Variants in SH3TC1 observed in about 807,000 individuals in gnomAD.
SH3TC1 encodes SH3 domain and tetratricopeptide repeat-containing protein 1.
Under a neutral mutation model 117.3 loss-of-function variants are expected in SH3TC1, and 135 were observed. The ratio of observed to expected loss-of-function variants is 1.15; its 90% CI spans 1.00 to 1.33. The LOEUF is 1.33. Ranked by LOEUF, SH3TC1 falls within the 40% of genes most tolerant of loss-of-function variation. The pLI, the probability that SH3TC1 is intolerant of heterozygous loss-of-function variation, is 0.00. For synonymous variants in SH3TC1, 898 were observed against 816.9 expected (o/e 1.10, Z -1.69); for missense variants, 2,092 against 1,794.3 (o/e 1.17, Z -3.00).
chr4:8,228,216 G>A lies in SH3TC1; in HGVS notation c.2522G>A (p.Ser841Asn). The A allele has an allele frequency of 6.2e-7, 1 of 1,608,880 alleles. No homozygotes were observed. The highest frequency in any genetic ancestry group is 8.5e-7 in the Non-Finnish European group (1 of 1,177,230). The change falls in exon 12 of 18, where the codon AGC becomes AAC. Residue 841 changes from serine to asparagine, a missense_variant. By Grantham distance (46) the Ser-to-Asn change is conservative. Coordinates refer to ENST00000245105, the MANE Select transcript of SH3TC1 (RefSeq NM_018986.5). ...TGGCTGCACGTGCTTCATGGGCAGA[G>A]CCCGGTGGCCCTGGACATCCTGCAG... ...LAWLHVLHGQ[S>N]PVALDILQSV...
chr4:8,206,832 CGTGTGTGTGTGTGTGTGT>C lies in SH3TC1; in HGVS notation c.172+1486_172+1503del, dbSNP rs58753240. Among the ~76,000 whole-genome samples the C allele has an allele frequency of 6.9e-6, 1 of 144,672 alleles. No homozygotes were observed. Among genetic ancestry groups the C allele is most frequent in the African/African-American group, 2.6e-5 (1 of 39,192 alleles). 94.9% of individuals were successfully genotyped at this position (144,672 alleles called of 152,430 possible). A position where few individuals can be genotyped will look rare whatever the true frequency, so the allele number is the denominator to read the frequency against. On this transcript the variant is annotated intron_variant, in intron 2 of 17. Coordinates refer to ENST00000245105, the MANE Select transcript of SH3TC1 (RefSeq NM_018986.5). This position sits in a 1 kb window ranked among gnomAD's most constrained non-coding sequence, Gnocchi z 5.5. Reference sequence around the variant, plus strand: ...AGGACTTTTACTTTGTGTGTGTACTCGTGTGTGTGTGTGTGTGTGTGTGTGTGTGTGTGTGTGATTTTC... The same window carrying C: ...AGGACTTTTACTTTGTGTGTGTACTCGTGTGTGTGTGTGTGTGTGATTTTC...
chr4:8,239,526 GCACA>G (rs934502024), intron 17 of SH3TC1, among the ~76,000 whole-genome samples: 3 of 147,910 alleles, frequency 2.0e-5, no homozygotes, highest in East Asian at 2.0e-4. Context: ...ATGCACACAG[GCACA>G]CACACAGACA....
rs771785209 is a variant in SH3TC1, at chr4:8,233,505, T to C, written c.3274T>C (p.Tyr1092His). ...ILRQSELVDL[Y>H]IQVAQNVALY... ...GCGGCAGAGCGAGCTGGTGGACCTCTACATCCAGGTGAGTGATGAGGGATG... is the reference window on the plus strand; with the variant it reads ...GCGGCAGAGCGAGCTGGTGGACCTCCACATCCAGGTGAGTGATGAGGGATG... The change falls in exon 14 of 18, where the codon TAC (tyrosine) becomes CAC (histidine). Residue 1092 changes from tyrosine (Y) to histidine (H), a missense_variant. Tyr to His is a moderately conservative substitution (Grantham distance 83). Coordinates refer to ENST00000245105, the MANE Select transcript of SH3TC1 (RefSeq NM_018986.5). 2.5e-6 allele frequency: 4 copies of C among 1,609,436 alleles called. No homozygotes were observed. The highest frequency in any genetic ancestry group is 3.4e-6 in the Non-Finnish European group (4 of 1,177,804).
intron 12 of SH3TC1, chr4:8,231,684 G>A: frequency 2.3e-6 from 1 of 435,580 alleles, no homozygotes; most frequent in Non-Finnish European, 4.1e-6. Context: ...TCGGGCTGAA[G>A]GCGGCCCTGG....
Position 8,186,837 on chromosome 4 carries a change from G to C in SH3TC1, c.-57+4627G>C, listed in dbSNP as rs1717235108. Among the ~76,000 whole-genome samples the C allele has an allele frequency of 6.6e-6, 1 of 151,788 alleles. No individual in the cohort carries two copies. The highest frequency in any genetic ancestry group is 6.6e-5 in the Admixed American group (1 of 15,240). ...CGGGCACCTGTAATCCCAGCTACTCGGGAGGCTGAGGTGGGAGAATCGCTT... is the reference window on the plus strand; with the variant it reads ...CGGGCACCTGTAATCCCAGCTACTCCGGAGGCTGAGGTGGGAGAATCGCTT... On this transcript the variant is annotated intron_variant, in intron 1 of 16. Coordinates refer to the SH3TC1 transcript ENST00000508641. The surrounding 1 kb of genome is among the most constrained non-coding windows in gnomAD (Gnocchi z 5.2).
At chr4:8,204,511 C>T (rs1718038903) in intron 1 of SH3TC1, among the ~76,000 whole-genome samples, 1 of 152,204 alleles carries the variant, frequency 6.6e-6, no homozygotes, top group Admixed American at 6.5e-5. Flanking sequence ...TCCCCACCCA[C>T]AATCAGTGAA....
Position 8,222,867 on chromosome 4 carries a change from G to A in SH3TC1, c.1140G>A (p.Glu380=). ...SELESAIFLN[E]EEKSFFSEGC... is the part of the protein sequence containing the mutation. Reference sequence around the variant, plus strand: ...TGGAAAGTGCGATTTTTCTCAATGAGGAAGAAAAGTCATTCTTCAGCGAGG... The same window carrying A: ...TGGAAAGTGCGATTTTTCTCAATGAAGAAGAAAAGTCATTCTTCAGCGAGG... Residue 380 remains glutamate, a synonymous_variant, in exon 10 of 18, where the codon GAG becomes GAA. Transcript: ENST00000245105. 1 of 1,613,392 alleles carries A rather than the reference G, an allele frequency of 6.2e-7. No individual in the cohort carries two copies. Among genetic ancestry groups the A allele is most frequent in the Non-Finnish European group, 8.5e-7 (1 of 1,179,492 alleles).
At chr4:8,231,448 A>C (rs1188358476) in intron 12 of SH3TC1, 3 of 156,782 alleles carry the variant, frequency 1.9e-5, no homozygotes, top group Non-Finnish European at 4.2e-5. Flanking sequence ...ACACTAGAAA[A>C]TCAGCAGCTT....
rs1466150407 is a variant in SH3TC1, at chr4:8,186,673, G to A, written c.-57+4463G>A. 6.6e-6 allele frequency among the ~76,000 whole-genome samples: 1 copy of A among 152,184 alleles called. No homozygotes were observed. On this transcript the variant is annotated intron_variant, in intron 1 of 16. Transcript: ENST00000508641. The surrounding 1 kb of genome is among the most constrained non-coding windows in gnomAD (Gnocchi z 5.2). Reference sequence around the variant, plus strand: ...AAAAAGCCCCTTGAGGCTGGGTGCGGTGGCTCACGCCTGTAATCCCAGCAC... The same window carrying A: ...AAAAAGCCCCTTGAGGCTGGGTGCGATGGCTCACGCCTGTAATCCCAGCAC...
Position 8,205,169 on chromosome 4 carries a change from C to T in SH3TC1, c.-26C>T, listed in dbSNP as rs952753370. The T allele has an allele frequency of 1.3e-6, 2 of 1,485,284 alleles. No homozygotes were observed. The highest frequency in any genetic ancestry group is 2.8e-5 in the African/African-American group (2 of 71,014). 92.0% of individuals were successfully genotyped at this position (1,485,284 alleles called of 1,614,324 possible). A position where few individuals can be genotyped will look rare whatever the true frequency, so the allele number is the denominator to read the frequency against. ...GACCACACCCCCTCTGTCCACAGGG[C>T]CAGGCATGTGAGGTCTCTGCGGGTC... On this transcript the variant is annotated splice_region_variant and 5_prime_UTR_variant, in exon 2 of 18. Transcript: ENST00000245105. This position sits in a 1 kb window ranked among gnomAD's most constrained non-coding sequence, Gnocchi z 5.4.
At chr4:8,234,433 C>T (rs73224062) in intron 14 of SH3TC1, among the ~76,000 whole-genome samples, 1,943 of 152,048 alleles carry the variant, frequency 0.013, 26 homozygotes, top group Middle Eastern at 0.034. Flanking sequence ...CCCATCCATC[C>T]ATACATTATC....
chr4:8,224,845 C>T (rs371546219), intron 10 of SH3TC1, among the ~76,000 whole-genome samples: 31 of 152,288 alleles, frequency 2.0e-4, no homozygotes, highest in East Asian at 1.9e-3. Flanking sequence ...CCCCAGAAGA[C>T]GGGAGAGTGG....
intron 9 of SH3TC1, among the ~76,000 whole-genome samples, chr4:8,220,546 G>A (rs144045887): frequency 6.6e-6 from 1 of 152,286 alleles, no homozygotes; most frequent in African/African-American, 2.4e-5. Context: ...TCTTTGGAGA[G>A]GAGTCAGCTG....
Position 8,239,233 on chromosome 4 carries a change from C to T in SH3TC1, c.3754-1465C>T, listed in dbSNP as rs548187391. 1.6e-4 allele frequency among the ~76,000 whole-genome samples: 24 copies of T among 146,518 alleles called. No homozygotes were observed. The South Asian group carries it at 1.7e-3, about 10-fold the overall frequency. Reference sequence around the variant, plus strand: ...ACAGGCACATGCAAATGCACATGCACGCTGCACGCACAGGGACACACACAC... The same window carrying T: ...ACAGGCACATGCAAATGCACATGCATGCTGCACGCACAGGGACACACACAC... On this transcript the variant is annotated intron_variant, in intron 17 of 17. Coordinates refer to ENST00000245105, the MANE Select transcript of SH3TC1 (RefSeq NM_018986.5).
rs1348599523 is a variant in SH3TC1 at position 8,192,582 on chromosome 4, C to T, written c.-57+10372C>T. Among the ~76,000 whole-genome samples the T allele has an allele frequency of 6.6e-6, 1 of 152,006 alleles. No individual in the cohort carries two copies. The highest frequency in any genetic ancestry group is 1.5e-5 in the Non-Finnish European group (1 of 68,026). On this transcript the variant is annotated intron_variant, in intron 1 of 16. Coordinates refer to the SH3TC1 transcript ENST00000508641. The surrounding 1 kb of genome is among the most constrained non-coding windows in gnomAD (Gnocchi z 4.1). The stretch of plus-strand genomic sequence containing the variant: ...GATCTCAGCTCACTGCAACCTCTGC[C>T]TACTGGGTTCAAGCAATTCTCCCGC...
At chr4:8,184,290 C>G (rs1161005429) in intron 1 of SH3TC1, among the ~76,000 whole-genome samples, 1 of 152,256 alleles carries the variant, frequency 6.6e-6, no homozygotes, top group Non-Finnish European at 1.5e-5. Context: ...CTGGCTTTCA[C>G]CATTAGCCAT....
chr4:8,212,939 G>A (rs1419240468), intron 4 of SH3TC1, 111 bp downstream of exon 4: 11 of 1,399,280 alleles, frequency 7.9e-6, no homozygotes, highest in South Asian at 1.5e-5. Context: ...CTCAGAGAGC[G>A]AGAGCCACTC....
chr4:8,191,422 G>A (rs1217368644), intron 1 of SH3TC1, among the ~76,000 whole-genome samples: 1 of 152,348 alleles, frequency 6.6e-6, no homozygotes, highest in Middle Eastern at 3.4e-3. Context: ...CAGTCATCTG[G>A]AAAGCCTATG....
chr4:8,193,786 C>A (rs1054524164), intron 1 of SH3TC1, among the ~76,000 whole-genome samples: 1 of 152,126 alleles, frequency 6.6e-6, no homozygotes, highest in Non-Finnish European at 1.5e-5. Context: ...GGAGTGGGAC[C>A]GACCCTCAGA....
Sources: allele counts gnomAD v4.1 joint callset (sites outside exome capture counted in the v4.1 genomes callset), GRCh38; gene constraint gnomAD v4.1.1; non-coding constraint Gnocchi (gnomAD v3.1); transcripts MANE v1.5; gene names NCBI Gene and HGNC (gene_info 2026-07-23, HGNC 2026-07-21).